MAPRE2: variants seen among roughly 807,000 people sequenced by gnomAD.
MAPRE2 encodes the protein microtubule associated protein RP/EB family member 2, also known as microtubule-associated protein RP/EB family member 2.
In MAPRE2, 13 loss-of-function variants were observed where a neutral mutation model predicts 43.2. The observed-to-expected ratio is 0.30, with a 90% CI of 0.20 to 0.48. MAPRE2 has a LOEUF of 0.48. Among genes scored for constraint, MAPRE2 ranks in the 20% least tolerant of loss-of-function variants. The pLI, the probability that MAPRE2 is intolerant of heterozygous loss-of-function variation, is 0.99. For synonymous variants in MAPRE2, 135 were observed against 148.8 expected (o/e 0.91, Z 0.68); for missense variants, 161 against 400.2 (o/e 0.40, Z 5.10).
intron 1 of MAPRE2, among the ~76,000 whole-genome samples, chr18:34,999,855 G>A (rs1237180611): frequency 6.6e-6 from 1 of 152,102 alleles, no homozygotes; most frequent in East Asian, 1.9e-4. Context: ...CTTGCCCTGG[G>A]GAAGTTGCAC....
chr18:35,011,897 G>A (rs868446909), intron 2 of MAPRE2, among the ~76,000 whole-genome samples: 1 of 151,596 alleles, frequency 6.6e-6, no homozygotes, highest in African/African-American at 2.4e-5. Context: ...AAAGAAAGGG[G>A]GACAGGAATA....
At chr18:35,005,074 C>G (rs960377811) in intron 1 of MAPRE2, among the ~76,000 whole-genome samples, 5 of 152,020 alleles carry the variant, frequency 3.3e-5, no homozygotes, top group African/African-American at 1.2e-4. Flanking sequence ...CTGGTTAAAC[C>G]TAAGTTTGGG....
chr18:35,095,795 C>G (rs551416651), intron 2 of MAPRE2, among the ~76,000 whole-genome samples: 2 of 152,192 alleles, frequency 1.3e-5, no homozygotes, highest in South Asian at 4.2e-4. Context: ...GGTGATGACT[C>G]AAAGAATACC....
At chr18:35,108,995 A>G (rs117976106) in intron 4 of MAPRE2, among the ~76,000 whole-genome samples, 11,589 of 151,982 alleles carry the variant, frequency 0.076, 573 homozygotes, top group East Asian at 0.23. Flanking sequence ...CCTTTTGTCA[A>G]TTTTGGCTTT....
intron 1 of MAPRE2, chr18:34,978,688 TCTGCCAAA>T: frequency 1.3e-6 from 1 of 755,472 alleles, no homozygotes; most frequent in South Asian, 1.6e-5. Flanking sequence ...TTCGTTCTTT[TCTGCCAAA>T]CTGATTAAAG....
chr18:35,044,962 T>C (rs58652919), intron 1 of MAPRE2, among the ~76,000 whole-genome samples: 17,958 of 152,244 alleles, frequency 0.12, 1,694 homozygotes, highest in African/African-American at 0.24. Context: ...CAGCTCATTA[T>C]TGAAACTAGC....
At chr18:35,038,902 G>A (rs1021028223), upstream of MAPRE2, among the ~76,000 whole-genome samples, 4 of 152,098 alleles carry the variant, frequency 2.6e-5, no homozygotes, top group Non-Finnish European at 5.9e-5. Context: ...GAAGATTTAC[G>A]CGGCCCTTGG....
At chr18:35,023,364 T>C (rs2097043097) in intron 2 of MAPRE2, among the ~76,000 whole-genome samples, 2 of 151,654 alleles carry the variant, frequency 1.3e-5, no homozygotes, top group Non-Finnish European at 2.9e-5. Context: ...TACAAAAATT[T>C]AGCCAGGTGT....
chr18:35,124,474 C>A (rs1285677128), intron 4 of MAPRE2, among the ~76,000 whole-genome samples: 1 of 152,074 alleles, frequency 6.6e-6, no homozygotes, highest in Non-Finnish European at 1.5e-5. Context: ...GTCATAGAAC[C>A]CTGGCTTGTT....
Position 35,070,338 on chromosome 18 carries a change from T to G in MAPRE2, c.250+16T>G, listed in dbSNP as rs752736966. The G allele has an allele frequency of 3.2e-6, 5 of 1,576,088 alleles. No homozygotes were observed. The highest frequency in any genetic ancestry group is 4.3e-6 in the Non-Finnish European group (5 of 1,163,522). Reference sequence around the variant, plus strand: ...CTTTGTTCAGGTAAGACATATTCTTTTAAGTGTTTACCTAAATATTTACAG... The same window carrying G: ...CTTTGTTCAGGTAAGACATATTCTTGTAAGTGTTTACCTAAATATTTACAG... On this transcript the variant is annotated intron_variant, in intron 2 of 6. Coordinates refer to ENST00000300249, the MANE Select transcript of MAPRE2 (RefSeq NM_014268.4).
chr18:35,086,334 T>C (rs893550592), intron 2 of MAPRE2, among the ~76,000 whole-genome samples: 1 of 151,876 alleles, frequency 6.6e-6, no homozygotes, highest in East Asian at 1.9e-4. Context: ...TAAGATTATA[T>C]ATAGAGATGA....
chr18:35,041,409 C>A, upstream of MAPRE2: 1 of 1,538,934 alleles, frequency 6.5e-7, no homozygotes, highest in Non-Finnish European at 8.7e-7. Context: ...CGAGCGAGAG[C>A]TGGGAGAAGG....
At chr18:35,134,959 A>G (rs927479262) in intron 6 of MAPRE2, among the ~76,000 whole-genome samples, 1 of 152,196 alleles carries the variant, frequency 6.6e-6, no homozygotes, top group Non-Finnish European at 1.5e-5. Flanking sequence ...CCCTGTAAGT[A>G]TATGCTGGGG....
intron 2 of MAPRE2, among the ~76,000 whole-genome samples, chr18:35,075,823 A>G (rs547515416): frequency 1.3e-5 from 2 of 152,154 alleles, no homozygotes; most frequent in Non-Finnish European, 2.9e-5. Context: ...AGGCAGTAAT[A>G]TATGGTAATA....
chr18:35,073,094 G>A (rs1187464606), intron 2 of MAPRE2, among the ~76,000 whole-genome samples: 1 of 152,072 alleles, frequency 6.6e-6, no homozygotes, highest in African/African-American at 2.4e-5. Flanking sequence ...GTACCTCTGA[G>A]TATAGCCTAG....
intron 4 of MAPRE2, among the ~76,000 whole-genome samples, chr18:35,121,419 G>A (rs751319982): frequency 6.6e-6 from 1 of 152,140 alleles, no homozygotes; most frequent in Non-Finnish European, 1.5e-5. Context: ...CATGTCCAGT[G>A]AGCAAATTCA....
chr18:35,088,828 C>T (rs1908001739), intron 2 of MAPRE2, among the ~76,000 whole-genome samples: 1 of 152,140 alleles, frequency 6.6e-6, no homozygotes, highest in South Asian at 2.1e-4. Context: ...AGAAAAACAA[C>T]TGTTTGATTT....
In MAPRE2 at chr18:35,095,401, C is replaced by CACAT. The variant is rs1555917896; in HGVS notation, c.251-2045_251-2044insACAT. Among the ~76,000 whole-genome samples the CACAT allele has an allele frequency of 9.5e-5, 11 of 115,472 alleles. No individual in the cohort carries two copies. In the East Asian group the frequency reaches 3.5e-3, roughly 37 times the overall value. 75.8% of individuals were successfully genotyped at this position (115,472 alleles called of 152,430 possible). On this transcript the variant is annotated intron_variant, in intron 2 of 6. Transcript: ENST00000300249. The stretch of plus-strand genomic sequence containing the variant: ...ACACACACACACACACACACACACA[C>CACAT]GCACACACACACTCCTTTCCAAAGA...
At chr18:35,042,341 G>A (rs1905411365) in intron 1 of MAPRE2, among the ~76,000 whole-genome samples, 1 of 152,136 alleles carries the variant, frequency 6.6e-6, no homozygotes, top group Non-Finnish European at 1.5e-5. Context: ...GCTTGGGTGG[G>A]GGAGCCTTTC....
Sources: allele counts gnomAD v4.1 joint callset (sites outside exome capture counted in the v4.1 genomes callset), GRCh38; gene constraint gnomAD v4.1.1; transcripts MANE v1.5; gene names NCBI Gene and HGNC (gene_info 2026-07-23, HGNC 2026-07-21).